CDKAL1: variants seen among roughly 807,000 people sequenced by gnomAD.
CDKAL1 encodes CDKAL1 threonylcarbamoyladenosine tRNA methylthiotransferase.
Under a neutral mutation model 68.2 loss-of-function variants are expected in CDKAL1, and 32 were observed. The observed-to-expected ratio is 0.47, with a 90% CI of 0.35 to 0.63. The LOEUF is 0.63. CDKAL1 is among the 30% of genes least tolerant of loss of function. The pLI, the probability that CDKAL1 is intolerant of heterozygous loss-of-function variation, is 0.00. For missense variants in CDKAL1, 606 were observed against 696.7 expected, an observed-to-expected ratio of 0.87 and a Z score of 1.47; for synonymous variants, 234 against 244.3, an observed-to-expected ratio of 0.96 and a Z score of 0.39.
intron 8 of CDKAL1, among the ~76,000 whole-genome samples, chr6:20,786,078 G>T (rs1209714148): frequency 6.6e-6 from 1 of 152,064 alleles, no homozygotes; most frequent in Non-Finnish European, 1.5e-5. Context: ...AAAATTAGCT[G>T]GATGTGGTGG....
At chr6:20,742,226 A>G (rs115190872) in intron 6 of CDKAL1, among the ~76,000 whole-genome samples, 2,311 of 152,102 alleles carry the variant, frequency 0.015, 60 homozygotes, top group African/African-American at 0.053. Context: ...TGTCAGATGT[A>G]TGGTTTGCAA....
chr6:20,640,668 T>A (rs1646111382), intron 4 of CDKAL1, among the ~76,000 whole-genome samples: 1 of 152,186 alleles, frequency 6.6e-6, no homozygotes, highest in Non-Finnish European at 1.5e-5. Context: ...CTTATTTTAG[T>A]TTTTAGATAT....
At chr6:20,630,872 G>A (rs1767646566) in intron 4 of CDKAL1, among the ~76,000 whole-genome samples, 1 of 152,106 alleles carries the variant, frequency 6.6e-6, no homozygotes, top group African/African-American at 2.4e-5. Flanking sequence ...AAATACTTAG[G>A]TCATGGGGTT....
At chr6:20,793,018 G>T (rs541870726) in intron 8 of CDKAL1, among the ~76,000 whole-genome samples, 16 of 152,172 alleles carry the variant, frequency 1.1e-4, no homozygotes, top group Non-Finnish European at 2.2e-4. Context: ...ATACAATAAT[G>T]GTGTACAACA....
chr6:20,850,678 T>C (rs890911184), intron 9 of CDKAL1, among the ~76,000 whole-genome samples: 1 of 152,124 alleles, frequency 6.6e-6, no homozygotes, highest in Non-Finnish European at 1.5e-5. Context: ...CCTCAAGTGA[T>C]CTGCCCACCT....
intron 9 of CDKAL1, among the ~76,000 whole-genome samples, chr6:20,924,726 G>A (rs1334613985): frequency 6.6e-6 from 1 of 152,212 alleles, no homozygotes; most frequent in African/African-American, 2.4e-5. Flanking sequence ...AAGGAAAGAA[G>A]CCATCTCCAT....
intron 8 of CDKAL1, among the ~76,000 whole-genome samples, chr6:20,838,711 G>A (rs1286224270): frequency 6.6e-6 from 1 of 152,100 alleles, no homozygotes; most frequent in African/African-American, 2.4e-5. Context: ...AGTGGTTCAC[G>A]CCTGTAATCC....
At chr6:20,798,917 CAA>C (rs200034795) in intron 8 of CDKAL1, among the ~76,000 whole-genome samples, 1,138 of 103,160 alleles carry the variant, frequency 0.011, 13 homozygotes, top group East Asian at 0.05. Context: ...TATAATAATA[CAA>C]AAAAAAAAAA....
chr6:21,112,096 G>A lies in CDKAL1; in HGVS notation c.1299+3633G>A, dbSNP rs10456238. Among the ~76,000 whole-genome samples, 1,116 of 152,012 alleles carry A rather than the reference G, an allele frequency of 7.3e-3. 3 individuals carry two copies. The highest frequency in any genetic ancestry group is 0.012 in the Non-Finnish European group (786 of 67,974). On this transcript the variant is annotated intron_variant, in intron 13 of 15. Transcript: ENST00000274695. ...TTTTTTTTTTCTTTTGATAAATCAC[G>A]GGTAAGTTAGAGTAGGCTATAATTA...
intron 11 of CDKAL1, among the ~76,000 whole-genome samples, chr6:21,004,033 T>C (rs1394120198): frequency 6.6e-6 from 1 of 152,206 alleles, no homozygotes; most frequent in Non-Finnish European, 1.5e-5. Flanking sequence ...AGTGTGAGGC[T>C]TCTCAAATAT....
chr6:20,820,067 G>A (rs914179301), intron 8 of CDKAL1, among the ~76,000 whole-genome samples: 5 of 152,114 alleles, frequency 3.3e-5, no homozygotes, highest in African/African-American at 9.7e-5. Flanking sequence ...TACCAAGGGG[G>A]CCAGTGGATT....
chr6:20,600,603 T>A (rs7762750), intron 4 of CDKAL1, among the ~76,000 whole-genome samples: 10,437 of 151,524 alleles, frequency 0.069, 517 homozygotes, highest in African/African-American at 0.14. Flanking sequence ...TATTAAAATG[T>A]TTTTTTTAAT....
At chr6:20,733,830 A>G (rs1773063471) in intron 5 of CDKAL1, among the ~76,000 whole-genome samples, 1 of 152,066 alleles carries the variant, frequency 6.6e-6, no homozygotes. Context: ...ATCTTTAAGT[A>G]TTTTTTATTA....
intron 5 of CDKAL1, among the ~76,000 whole-genome samples, chr6:20,732,384 T>A (rs1772991985): frequency 6.7e-6 from 1 of 149,720 alleles, no homozygotes; most frequent in Admixed American, 6.7e-5. Flanking sequence ...CAAGCGATTC[T>A]CCTGCCTCAG....
chr6:20,913,651 C>G (rs573910685), intron 9 of CDKAL1, among the ~76,000 whole-genome samples: 1 of 152,270 alleles, frequency 6.6e-6, no homozygotes, highest in Non-Finnish European at 1.5e-5. Context: ...CTGAGGTTCT[C>G]TCTTTCCATC....
At chr6:20,577,114 C>G (rs551106558) in intron 4 of CDKAL1, among the ~76,000 whole-genome samples, 2 of 152,284 alleles carry the variant, frequency 1.3e-5, no homozygotes, top group East Asian at 3.9e-4. Flanking sequence ...TGTTGGCGAC[C>G]TAACCTTGGT....
At chr6:21,026,898 C>A (rs1224223734) in intron 11 of CDKAL1, among the ~76,000 whole-genome samples, 1 of 152,200 alleles carries the variant, frequency 6.6e-6, no homozygotes, top group African/African-American at 2.4e-5. Flanking sequence ...AGAAACCTCT[C>A]AATGAGCCTC....
At chr6:20,552,216 G>A (rs1037140034) in intron 4 of CDKAL1, among the ~76,000 whole-genome samples, 2 of 151,870 alleles carry the variant, frequency 1.3e-5, no homozygotes, top group African/African-American at 4.8e-5. Flanking sequence ...AGGTGTGTTG[G>A]TCTTTGCCTG....
intron 9 of CDKAL1, among the ~76,000 whole-genome samples, chr6:20,892,387 T>C (rs545098254): frequency 1.2e-4 from 18 of 152,238 alleles, no homozygotes; most frequent in African/African-American, 4.3e-4. Flanking sequence ...CAATATTGAG[T>C]GCTGATACAA....
Sources: allele counts gnomAD v4.1 joint callset (sites outside exome capture counted in the v4.1 genomes callset), GRCh38; gene constraint gnomAD v4.1.1; transcripts MANE v1.5; gene names NCBI Gene and HGNC (gene_info 2026-07-23, HGNC 2026-07-21).